Variants in RYK observed in about 807,000 individuals in gnomAD.
The protein encoded by RYK is receptor like tyrosine kinase.
Under a neutral mutation model 70.2 loss-of-function variants are expected in RYK, and 21 were observed. That is an observed-to-expected ratio of 0.30 (90% CI 0.21 to 0.43). The LOEUF (loss-of-function observed/expected upper bound fraction) is 0.43. Among genes scored for constraint, RYK ranks in the 20% least tolerant of loss-of-function variants. The pLI, the probability that RYK is intolerant of heterozygous loss-of-function variation, is 1.00. For synonymous variants in RYK, 267 were observed against 278.0 expected (o/e 0.96, Z 0.39); for missense variants, 604 against 753.3 (o/e 0.80, Z 2.32).
intron 7 of RYK, 34 bp downstream of exon 7, chr3:134,195,048 A>C (rs771967360): frequency 6.9e-7 from 1 of 1,454,458 alleles, no homozygotes; most frequent in East Asian, 2.3e-5. Context: ...AGACAACTTG[A>C]GTAAACTGGC....
intron 9 of RYK, among the ~76,000 whole-genome samples, chr3:134,188,150 A>ATATAT (rs1560008643): frequency 7.3e-6 from 1 of 136,672 alleles, no homozygotes; most frequent in African/African-American, 2.7e-5. Flanking sequence ...ACAATCTAAC[A>ATATAT]ATATATATAT....
At chr3:134,178,348 T>G (rs1005141116) in intron 10 of RYK, 1 of 304,648 alleles carries the variant, frequency 3.3e-6, no homozygotes, top group Non-Finnish European at 5.9e-6. Flanking sequence ...GAAGGCACAC[T>G]CTAACCACAC....
chr3:134,179,401 C>T (rs1167509638), intron 10 of RYK: 1 of 152,176 alleles, frequency 6.6e-6, no homozygotes, highest in East Asian at 1.9e-4. Context: ...ATGGAAAGCA[C>T]TGACCCTGAG....
intron 13 of RYK, among the ~76,000 whole-genome samples, chr3:134,174,844 G>A (rs1017177069): frequency 2.6e-5 from 4 of 151,582 alleles, no homozygotes; most frequent in South Asian, 2.1e-4. Flanking sequence ...AGAGGATGAC[G>A]GGGGGATTTA....
chr3:134,169,011 CCTTTT>C (rs1189444612), intron 13 of RYK, among the ~76,000 whole-genome samples: 8 of 152,186 alleles, frequency 5.3e-5, no homozygotes, highest in African/African-American at 1.9e-4. Context: ...CTCCAGACTT[CCTTTT>C]ATTTTCTAGG....
intron 1 of RYK, among the ~76,000 whole-genome samples, chr3:134,249,367 ATTAC>A (rs1344991341): frequency 6.6e-6 from 1 of 152,174 alleles, no homozygotes; most frequent in Non-Finnish European, 1.5e-5. Flanking sequence ...ACAAAGTCTT[ATTAC>A]TTAAAAAAAA....
chr3:134,173,761 T>C (rs1027304680), intron 13 of RYK, among the ~76,000 whole-genome samples: 2 of 152,116 alleles, frequency 1.3e-5, no homozygotes, highest in Admixed American at 6.5e-5. Context: ...AAATAGCACA[T>C]AGTTTCTAAA....
chr3:134,225,810 T>A (rs2014891107), intron 1 of RYK, among the ~76,000 whole-genome samples: 1 of 151,286 alleles, frequency 6.6e-6, no homozygotes, highest in Non-Finnish European at 1.5e-5. Context: ...TGAGCTATGA[T>A]CACACCACTG....
At chr3:134,185,231 T>C (rs1228011603) in intron 9 of RYK, among the ~76,000 whole-genome samples, 2 of 152,188 alleles carry the variant, frequency 1.3e-5, no homozygotes, top group Non-Finnish European at 2.9e-5. Context: ...CCAAGATTCA[T>C]ATTCTAGACC....
intron 7 of RYK, among the ~76,000 whole-genome samples, chr3:134,193,944 C>A (rs572941529): frequency 6.6e-6 from 1 of 152,268 alleles, no homozygotes; most frequent in South Asian, 2.1e-4. Flanking sequence ...TACATCATAT[C>A]CTTGGGTACG....
At position 134,165,695 on chromosome 3, in the gene RYK, G is replaced by A. The variant is rs556140410; in HGVS notation, c.1576-6322C>T. Reference sequence around the variant, plus strand: ...CCAGTGGACCTGAAAAGCAGAGTACGAAGCCAAAGGGAATTATTCTTGAGT... The same window carrying A: ...CCAGTGGACCTGAAAAGCAGAGTACAAAGCCAAAGGGAATTATTCTTGAGT... On this transcript the variant is annotated intron_variant, in intron 13 of 14. Transcript: ENST00000623711. Among the ~76,000 whole-genome samples the A allele has an allele frequency of 2.1e-4, 32 of 152,322 alleles. No homozygotes were observed. In the East Asian group the frequency reaches 5.2e-3, roughly 25 times the overall value.
chr3:134,212,346 A>C (rs1433695054), intron 2 of RYK, among the ~76,000 whole-genome samples: 1 of 152,236 alleles, frequency 6.6e-6, no homozygotes, highest in East Asian at 1.9e-4. Flanking sequence ...GAAGCAGCTC[A>C]AACTGCAAAG....
intron 6 of RYK, among the ~76,000 whole-genome samples, chr3:134,200,355 C>T (rs1359675490): frequency 6.6e-6 from 1 of 152,082 alleles, no homozygotes; most frequent in African/African-American, 2.4e-5. Context: ...ACACTCACTG[C>T]GAAGGTCTGC....
At chr3:134,232,257 G>A (rs1044422586) in intron 1 of RYK, among the ~76,000 whole-genome samples, 8 of 151,962 alleles carry the variant, frequency 5.3e-5, no homozygotes, top group African/African-American at 1.9e-4. Flanking sequence ...TTTCTTACCA[G>A]TGGAGGTTTC....
At position 134,232,308 on chromosome 3, in the gene RYK, A is replaced by C. The variant is rs116729874; in HGVS notation, c.233-9769T>G. On this transcript the variant is annotated intron_variant, in intron 1 of 14. Transcript: ENST00000623711. ...CAGCCTACATCAGACATACACCATCAGCTCAGAAAAAAACACCCAATCTTG... is the reference window on the plus strand; with the variant it reads ...CAGCCTACATCAGACATACACCATCCGCTCAGAAAAAAACACCCAATCTTG... Among the ~76,000 whole-genome samples the C allele has an allele frequency of 3.1e-3, 470 of 152,228 alleles. 2 individuals are homozygous for C. The highest frequency in any genetic ancestry group is 0.011 in the African/African-American group (438 of 41,522).
At chr3:134,239,576 C>A (rs947163880) in intron 1 of RYK, among the ~76,000 whole-genome samples, 44 of 152,262 alleles carry the variant, frequency 2.9e-4, no homozygotes, top group African/African-American at 1.0e-3. Flanking sequence ...ACTAAGCAGG[C>A]CATGGGAAAT....
At position 134,184,859 on chromosome 3, in the gene RYK, A is replaced by T. The variant is rs905559476; in HGVS notation, c.1103-1788T>A. On this transcript the variant is annotated intron_variant, in intron 9 of 14. Transcript: ENST00000623711. Reference sequence around the variant, plus strand: ...CAAACTTAACAGTATATTCTTAAAAACCCTTTCAAAGAAACCCATAACGAA... The same window carrying T: ...CAAACTTAACAGTATATTCTTAAAATCCCTTTCAAAGAAACCCATAACGAA... Among the ~76,000 whole-genome samples, 8 of 151,442 alleles carry T rather than the reference A, an allele frequency of 5.3e-5. No individual in the cohort carries two copies. The Admixed American group carries it at 5.3e-4, about 10-fold the overall frequency.
intron 11 of RYK, among the ~76,000 whole-genome samples, chr3:134,177,240 C>G (rs2013137033): frequency 6.6e-6 from 1 of 152,138 alleles, no homozygotes; most frequent in Non-Finnish European, 1.5e-5. Flanking sequence ...CAGCTTTAGT[C>G]TTGTCAATTT....
intron 11 of RYK, among the ~76,000 whole-genome samples, chr3:134,176,482 T>C (rs1026584838): frequency 6.6e-6 from 1 of 152,242 alleles, no homozygotes; most frequent in Non-Finnish European, 1.5e-5. Flanking sequence ...CTCATGCCTA[T>C]AATCCCAGCA....
Sources: allele counts gnomAD v4.1 joint callset (sites outside exome capture counted in the v4.1 genomes callset), GRCh38; gene constraint gnomAD v4.1.1; transcripts MANE v1.5; gene names NCBI Gene and HGNC (gene_info 2026-07-23, HGNC 2026-07-21).